CA8: variants seen among roughly 807,000 people sequenced by gnomAD.
CA8 encodes carbonic anhydrase 8 (inactive).
A neutral mutation model predicts 41.4 loss-of-function variants in CA8; 22 were observed. The ratio of observed to expected loss-of-function variants is 0.53; its 90% CI spans 0.38 to 0.76. The LOEUF is 0.76. CA8 is among the 30% of genes least tolerant of loss of function. CA8 has a pLI of 0.00. For synonymous variants in CA8, 121 were observed against 130.6 expected, an observed-to-expected ratio of 0.93 and a Z score of 0.50; for missense variants, 270 against 352.8, an observed-to-expected ratio of 0.77 and a Z score of 1.88.
chr8:60,257,942 T>C (rs1175617707), intron 3 of CA8, among the ~76,000 whole-genome samples: 1 of 152,190 alleles, frequency 6.6e-6, no homozygotes, highest in Non-Finnish European at 1.5e-5. Context: ...AGTAACACAG[T>C]TTTGCTTTCC....
chr8:60,251,838 A>C (rs992390242), intron 3 of CA8, among the ~76,000 whole-genome samples: 5 of 152,204 alleles, frequency 3.3e-5, no homozygotes, highest in Non-Finnish European at 5.9e-5. Context: ...CCTACAAAGA[A>C]GGCTCAAATT....
intron 8 of CA8, among the ~76,000 whole-genome samples, chr8:60,190,957 TACACACACACATTTCTAC>T (rs1806110460): frequency 9.6e-5 from 10 of 104,124 alleles, no homozygotes; most frequent in South Asian, 3.1e-4. Flanking sequence ...TATATATATA[TACACACACACATTTCTAC>T]ATATGCATAC....
At chr8:60,263,917 T>C (rs933306993) in intron 3 of CA8, among the ~76,000 whole-genome samples, 2 of 152,230 alleles carry the variant, frequency 1.3e-5, no homozygotes. Context: ...CTGATACAAG[T>C]ATTTTCTCTG....
At chr8:60,218,306 GTTTTT>G (rs5891754) in intron 7 of CA8, among the ~76,000 whole-genome samples, 1 of 146,484 alleles carries the variant, frequency 6.8e-6, no homozygotes. Flanking sequence ...AAATGACTGG[GTTTTT>G]TTTTTTTATG....
rs575665569 is a variant in CA8 at position 60,222,028 on chromosome 8, G to A, written c.738+621C>T. ...ACAGGAGATATTTAAAGCCCCTTCT[G>A]TAATATTAAAATCATGGCTTAAATA... On this transcript the variant is annotated intron_variant, in intron 7 of 8. Coordinates refer to ENST00000317995, the MANE Select transcript of CA8 (RefSeq NM_004056.6). Among the ~76,000 whole-genome samples the A allele has an allele frequency of 4.6e-5, 7 of 152,270 alleles. No individual in the cohort carries two copies. The East Asian group carries it at 7.7e-4, about 17-fold the overall frequency.
intron 3 of CA8, among the ~76,000 whole-genome samples, chr8:60,238,078 T>G (rs1807894978): frequency 1.3e-5 from 2 of 152,206 alleles, no homozygotes; most frequent in Non-Finnish European, 2.9e-5. Context: ...TATGCTGCCT[T>G]ACCATTAGCA....
intron 8 of CA8, among the ~76,000 whole-genome samples, chr8:60,198,755 T>C (rs920128963): frequency 3.3e-5 from 5 of 152,178 alleles, no homozygotes; most frequent in African/African-American, 4.8e-5. Flanking sequence ...AGGTTTGTAT[T>C]ATATCTAATT....
At chr8:60,252,377 T>C (rs898018550) in intron 3 of CA8, among the ~76,000 whole-genome samples, 3 of 152,240 alleles carry the variant, frequency 2.0e-5, no homozygotes, top group Admixed American at 1.3e-4. Context: ...TGAATATCAA[T>C]ACGTTAAGAC....
chr8:60,256,529 G>C (rs1808645887), intron 3 of CA8, among the ~76,000 whole-genome samples: 1 of 152,144 alleles, frequency 6.6e-6, no homozygotes, highest in Non-Finnish European at 1.5e-5. Context: ...CAAAGCAGTA[G>C]CAAGGGCGCA....
At chr8:60,204,832 G>T (rs1283601860) in intron 8 of CA8, among the ~76,000 whole-genome samples, 1 of 152,142 alleles carries the variant, frequency 6.6e-6, no homozygotes. Context: ...ATTTAATCTG[G>T]AAGGATAATA....
chr8:60,257,650 C>G (rs538227239), intron 3 of CA8, among the ~76,000 whole-genome samples: 1 of 152,156 alleles, frequency 6.6e-6, no homozygotes, highest in African/African-American at 2.4e-5. Flanking sequence ...TTTCTTAACT[C>G]TTCCCCATCA....
intron 7 of CA8, among the ~76,000 whole-genome samples, chr8:60,219,943 A>AAAAAAAAAAAAAC (rs1807184502): frequency 1.4e-5 from 2 of 141,422 alleles, no homozygotes; most frequent in Non-Finnish European, 1.5e-5. Flanking sequence ...AAAAAAAAAA[A>AAAAAAAAAAAAAC]AAAAAAAAAA....
chr8:60,203,789 T>C (rs28624458), intron 8 of CA8, among the ~76,000 whole-genome samples: 50,271 of 151,996 alleles, frequency 0.33, 8,507 homozygotes, highest in Middle Eastern at 0.45. Flanking sequence ...CTTTATGTTT[T>C]CAGTTGGAGA....
intron 8 of CA8, among the ~76,000 whole-genome samples, chr8:60,194,203 A>G (rs534736186): frequency 6.6e-6 from 1 of 152,222 alleles, no homozygotes; most frequent in African/African-American, 2.4e-5. Context: ...CAAAGTATTT[A>G]TGTCTTTTAA....
chr8:60,211,552 T>C (rs1303943524), intron 7 of CA8, among the ~76,000 whole-genome samples: 5 of 152,228 alleles, frequency 3.3e-5, no homozygotes, highest in Non-Finnish European at 7.3e-5. Flanking sequence ...TAATTTTATA[T>C]TTATGCATTC....
chr8:60,262,195 G>A (rs78794615), intron 3 of CA8, among the ~76,000 whole-genome samples: 1 of 152,108 alleles, frequency 6.6e-6, no homozygotes. Context: ...GACACACATA[G>A]AATATACAGC....
chr8:60,230,498 A>G (rs1026365612), intron 4 of CA8, among the ~76,000 whole-genome samples: 7 of 151,912 alleles, frequency 4.6e-5, no homozygotes, highest in Admixed American at 1.3e-4. Flanking sequence ...AAGTCTACTC[A>G]ATGTCTCCGA....
chr8:60,280,601 G>A (rs181167150), intron 1 of CA8, among the ~76,000 whole-genome samples: 16 of 152,314 alleles, frequency 1.1e-4, no homozygotes, highest in African/African-American at 3.8e-4. Context: ...ATTGCTAGCA[G>A]GCTTCACGAA....
At chr8:60,203,421 A>C (rs1165762209) in intron 8 of CA8, among the ~76,000 whole-genome samples, 2 of 152,170 alleles carry the variant, frequency 1.3e-5, no homozygotes, top group Non-Finnish European at 1.5e-5. Context: ...GTTTTTAATA[A>C]AGTTTCAATT....
Sources: gnomAD v4.1 joint callset for allele counts (sites outside exome capture counted in the v4.1 genomes callset) on GRCh38, gnomAD v4.1.1 for gene constraint, MANE v1.5 for transcripts, NCBI Gene and HGNC (gene_info 2026-07-23, HGNC 2026-07-21) for gene names.